PRKACB: variants seen among roughly 807,000 people sequenced by gnomAD.
PRKACB encodes cAMP-dependent protein kinase catalytic subunit beta.
A neutral mutation model predicts 51.4 loss-of-function variants in PRKACB; 16 were observed. That is an observed-to-expected ratio of 0.31 (90% CI 0.21 to 0.47). The LOEUF is 0.47. Ranked by LOEUF, PRKACB falls within the 20% of genes least tolerant of loss-of-function variation. The pLI is 1.00. For synonymous variants in PRKACB, 147 were observed against 154.4 expected, an observed-to-expected ratio of 0.95 and a Z score of 0.35; for missense variants, 309 against 464.5, an observed-to-expected ratio of 0.67 and a Z score of 3.08.
intron 1 of PRKACB, among the ~76,000 whole-genome samples, chr1:84,156,474 A>T (rs1224136979): frequency 2.0e-5 from 3 of 152,120 alleles, no homozygotes; most frequent in Non-Finnish European, 4.4e-5. Flanking sequence ...TTCAAAGGTT[A>T]TGTCAAAGGA....
chr1:84,129,436 A>G (rs1651950214), intron 1 of PRKACB, among the ~76,000 whole-genome samples: 1 of 152,148 alleles, frequency 6.6e-6, no homozygotes, highest in South Asian at 2.1e-4. Flanking sequence ...TATAAAAATT[A>G]CATTTTTTAA....
intron 1 of PRKACB, among the ~76,000 whole-genome samples, chr1:84,148,195 A>G (rs1283156925): frequency 2.6e-5 from 4 of 152,182 alleles, no homozygotes; most frequent in Middle Eastern, 3.4e-3. Context: ...CTTCACTTCT[A>G]CCAGTGGTGA....
chr1:84,179,129 T>C, intron 1 of PRKACB, 48 bp from the exon 2 acceptor site: 1 of 1,509,022 alleles, frequency 6.6e-7, no homozygotes. Flanking sequence ...TTATACAGAA[T>C]ATAAATATTC....
chr1:84,154,578 G>T (rs2100660014), intron 1 of PRKACB, among the ~76,000 whole-genome samples: 1 of 152,198 alleles, frequency 6.6e-6, no homozygotes, highest in Middle Eastern at 3.4e-3. Context: ...GGGCAGCATT[G>T]CTCTGATACC....
At chr1:84,179,683 A>G (rs1462361112) in intron 2 of PRKACB, among the ~76,000 whole-genome samples, 3 of 152,012 alleles carry the variant, frequency 2.0e-5, no homozygotes, top group African/African-American at 7.2e-5. Context: ...TATGTTCTAT[A>G]TAATTAAAGT....
chr1:84,234,974 C>T (rs998467302), intron 9 of PRKACB, among the ~76,000 whole-genome samples: 18 of 152,184 alleles, frequency 1.2e-4, no homozygotes, highest in Admixed American at 1.2e-3. Flanking sequence ...TTTTGTTGAC[C>T]TGCATACTTC....
exon 1 of PRKACB, chr1:84,078,182 C>T: frequency 2.3e-6 from 2 of 881,246 alleles, no homozygotes; most frequent in Non-Finnish European, 3.3e-6. Flanking sequence ...GCCCGGTCTT[C>T]GCGCCCGGAC....
chr1:84,128,938 T>A (rs1205769911), intron 1 of PRKACB, among the ~76,000 whole-genome samples: 1 of 152,198 alleles, frequency 6.6e-6, no homozygotes, highest in Non-Finnish European at 1.5e-5. Flanking sequence ...GGAACTAAAT[T>A]TTTAATTTTA....
At chr1:84,085,806 T>G in intron 1 of PRKACB, 1 of 409,448 alleles carries the variant, frequency 2.4e-6, no homozygotes, top group East Asian at 4.0e-5. Context: ...CCTCTCAGGA[T>G]CGGTGGCCAC....
chr1:84,141,995 G>T (rs1047876458), upstream of PRKACB, among the ~76,000 whole-genome samples: 5 of 41,588 alleles, frequency 1.2e-4, no homozygotes, highest in African/African-American at 3.4e-4. Context: ...TATTACTCTT[G>T]TCTCTATATA....
intron 1 of PRKACB, among the ~76,000 whole-genome samples, chr1:84,152,563 C>T (rs1461990888): frequency 6.6e-6 from 1 of 152,168 alleles, no homozygotes; most frequent in Admixed American, 6.6e-5. Context: ...CCTGGTGCAG[C>T]TTCTCCATTA....
rs1676665145 is a variant in PRKACB at position 84,236,387 on chromosome 1, G to A, written c.*1082G>A. 6.6e-6 allele frequency: 1 copy of A among 152,554 alleles called. No individual in the cohort carries two copies. Among genetic ancestry groups the A allele is most frequent in the African/African-American group, 2.4e-5 (1 of 41,436 alleles). 9.5% of individuals were successfully genotyped at this position (152,554 alleles called of 1,614,324 possible). A position where few individuals can be genotyped will look rare whatever the true frequency, so the allele number is the denominator to read the frequency against. On this transcript the variant is annotated 3_prime_UTR_variant, in exon 10 of 10. Coordinates refer to ENST00000370685, the MANE Select transcript of PRKACB (RefSeq NM_182948.4). ...TGTTTTGTTTTGTAACCGTTAAAAA[G>A]AAGTTGTTTCCAGCTAATTATTGTG...
At chr1:84,181,365 T>C (rs1031565344) in intron 2 of PRKACB, among the ~76,000 whole-genome samples, 3 of 152,078 alleles carry the variant, frequency 2.0e-5, no homozygotes, top group Admixed American at 6.6e-5. Flanking sequence ...CAGCAATTAC[T>C]ACTTCTTGCC....
At chr1:84,210,441 C>T (rs1671961413) in intron 8 of PRKACB, among the ~76,000 whole-genome samples, 1 of 152,100 alleles carries the variant, frequency 6.6e-6, no homozygotes, top group Non-Finnish European at 1.5e-5. Context: ...TTTACTTTCA[C>T]ATTATTTGCC....
At chr1:84,081,652 A>G (rs567289976) in intron 1 of PRKACB, among the ~76,000 whole-genome samples, 3 of 152,226 alleles carry the variant, frequency 2.0e-5, no homozygotes, top group East Asian at 3.9e-4. Flanking sequence ...TTCCTTTTAC[A>G]CCAGCCCCAG....
intron 1 of PRKACB, among the ~76,000 whole-genome samples, chr1:84,079,648 G>C (rs967990786): frequency 1.3e-5 from 2 of 152,064 alleles, no homozygotes; most frequent in African/African-American, 4.8e-5. Flanking sequence ...AGCCAATGTA[G>C]AGGTAGAATG....
chr1:84,180,276 A>G (rs1372300024), intron 2 of PRKACB, among the ~76,000 whole-genome samples: 2 of 145,618 alleles, frequency 1.4e-5, no homozygotes, highest in East Asian at 4.1e-4. Flanking sequence ...CCTAGATGAG[A>G]TTGGAGACTA....
At chr1:84,113,474 G>GTTAAGCATC (rs1405780417) in intron 1 of PRKACB, among the ~76,000 whole-genome samples, 1 of 152,154 alleles carries the variant, frequency 6.6e-6, no homozygotes, top group Non-Finnish European at 1.5e-5. Flanking sequence ...TTCTTAAAAT[G>GTTAAGCATC]TTAAGCATCA....
chr1:84,200,117 G>C (rs968915181), intron 7 of PRKACB, among the ~76,000 whole-genome samples: 1 of 151,598 alleles, frequency 6.6e-6, no homozygotes, highest in African/African-American at 2.4e-5. Context: ...AAAGTGCTGG[G>C]ATTACAGGGG....
Sources: allele counts gnomAD v4.1 joint callset (sites outside exome capture counted in the v4.1 genomes callset), GRCh38; gene constraint gnomAD v4.1.1; transcripts MANE v1.5; gene names NCBI Gene and HGNC (gene_info 2026-07-23, HGNC 2026-07-21).